The following GRIA1 variants were observed in gnomAD, a reference collection of about 807,000 sequenced individuals.
GRIA1 encodes glutamate ionotropic receptor AMPA type subunit 1.
In GRIA1, 31 loss-of-function variants were observed where a neutral mutation model predicts 99.2. That is an observed-to-expected ratio of 0.31 (90% CI 0.23 to 0.42). GRIA1 has a LOEUF of 0.42. Among genes scored for constraint, GRIA1 ranks in the 10% least tolerant of loss-of-function variants. The probability of loss-of-function intolerance (pLI) is 1.00; values close to 1 mark genes in which losing one functional copy is unlikely to be tolerated. For missense variants in GRIA1, 782 were observed against 1,157.5 expected, an observed-to-expected ratio of 0.68 and a Z score of 4.71; for synonymous variants, 438 against 432.4, an observed-to-expected ratio of 1.01 and a Z score of -0.16.
chr5:153,791,907 G>GA (rs565834531), intron 13 of GRIA1, among the ~76,000 whole-genome samples: 45,356 of 141,144 alleles, frequency 0.32, 7,130 homozygotes, highest in South Asian at 0.43. Flanking sequence ...TGTTCATTTG[G>GA]AAAAAAAAAA....
chr5:153,565,611 C>T (rs1303793250), intron 2 of GRIA1, among the ~76,000 whole-genome samples: 1 of 152,176 alleles, frequency 6.6e-6, no homozygotes, highest in East Asian at 1.9e-4. Context: ...AGCACCCTCC[C>T]ACCATCAGGT....
chr5:153,756,947 A>G (rs1762872679), intron 11 of GRIA1, among the ~76,000 whole-genome samples: 1 of 152,192 alleles, frequency 6.6e-6, no homozygotes, highest in Non-Finnish European at 1.5e-5. Context: ...TGGAAGTATG[A>G]CCTCACCTAA....
chr5:153,738,746 G>C (rs1246455293), intron 11 of GRIA1, among the ~76,000 whole-genome samples: 1 of 104,104 alleles, frequency 9.6e-6, no homozygotes, highest in African/African-American at 4.2e-5. Context: ...TTTGGAGAAG[G>C]CATTTCGCTC....
rs547703533 is a variant in GRIA1, at chr5:153,811,463, C to T, written c.*238C>T. On this transcript the variant is annotated 3_prime_UTR_variant, in exon 16 of 16. Transcript: ENST00000285900. The stretch of plus-strand genomic sequence containing the variant: ...GCTAAGTGAGGATGAAAAAATAACA[C>T]TGTACTGCAATAAGGGGAGAGTAAC... The T allele has an allele frequency of 3.1e-5, 15 of 484,384 alleles. No individual in the cohort carries two copies. The highest frequency in any genetic ancestry group is 2.9e-4 in the African/African-American group (15 of 51,178). The allele number at this position is 484,384 out of a possible 1,614,324, so 30.0% of individuals were successfully genotyped here.
At position 153,761,768 on chromosome 5, in the gene GRIA1, C is replaced by T. The variant is rs146167136; in HGVS notation, c.1824-2666C>T. Among the ~76,000 whole-genome samples, 304 of 152,230 alleles carry T rather than the reference C, an allele frequency of 2.0e-3. 2 individuals are homozygous for T. The highest frequency in any genetic ancestry group is 7.0e-3 in the African/African-American group (292 of 41,520). ...GTAACCAAAATATGGAATCAACTTA[C>T]GTGCCCATCAACAGATGAATAGATT... On this transcript the variant is annotated intron_variant, in intron 11 of 15. Coordinates refer to ENST00000285900, the MANE Select transcript of GRIA1 (RefSeq NM_000827.4).
chr5:153,661,275 A>G (rs1172500549), intron 5 of GRIA1, among the ~76,000 whole-genome samples: 3 of 152,126 alleles, frequency 2.0e-5, no homozygotes, highest in African/African-American at 7.2e-5. Flanking sequence ...GTGGCTTTGG[A>G]GCCAGTTCTG....
chr5:153,493,172 C>T (rs954261790), intron 1 of GRIA1, among the ~76,000 whole-genome samples: 2 of 152,170 alleles, frequency 1.3e-5, no homozygotes, highest in Admixed American at 6.5e-5. Context: ...ATGTTTGTAT[C>T]CTCTTGAGAT....
intron 2 of GRIA1, among the ~76,000 whole-genome samples, chr5:153,523,233 C>G (rs1757310788): frequency 6.6e-6 from 1 of 152,190 alleles, no homozygotes; most frequent in Admixed American, 6.5e-5. Flanking sequence ...AGGCTGTGTT[C>G]TAACTGGAAG....
intron 11 of GRIA1, among the ~76,000 whole-genome samples, chr5:153,723,625 G>A (rs13167926): frequency 0.51 from 77,962 of 151,874 alleles, 20,880 homozygotes; most frequent in East Asian, 0.94. Context: ...CTACCCCCAC[G>A]GAGTCTCGCT....
chr5:153,795,440 G>A, intron 14 of GRIA1: 1 of 1,059,518 alleles, frequency 9.4e-7, no homozygotes, highest in Non-Finnish European at 1.5e-6. Flanking sequence ...AATAACATTG[G>A]TAATGTTATT....
Position 153,764,452 on chromosome 5 carries a change from C to T in GRIA1, c.1842C>T (p.Ile614=). ...CCTGCAGGTCCCTGTCTGGTCGCAT[C>T]GTTGGTGGCGTCTGGTGGTTCTTCA... is the stretch of plus-strand genomic sequence containing the variant. ...DISPRSLSGR[I]VGGVWWFFTL... The change falls in exon 12 of 16, where the codon ATC becomes ATT. Residue 614 remains isoleucine, a synonymous_variant. Transcript: ENST00000285900. 1.9e-6 allele frequency: 3 copies of T among 1,613,796 alleles called. No homozygotes were observed. Among genetic ancestry groups the T allele is most frequent in the East Asian group, 2.2e-5 (1 of 44,860 alleles).
intron 10 of GRIA1, among the ~76,000 whole-genome samples, chr5:153,700,351 C>T (rs957502344): frequency 6.6e-6 from 1 of 152,176 alleles, no homozygotes; most frequent in Non-Finnish European, 1.5e-5. Flanking sequence ...TGCCATCGCA[C>T]TCCAGCCTGG....
intron 2 of GRIA1, among the ~76,000 whole-genome samples, chr5:153,547,289 A>C (rs1282309534): frequency 6.6e-6 from 1 of 152,092 alleles, no homozygotes; most frequent in Non-Finnish European, 1.5e-5. Context: ...GACACCCCTG[A>C]TCTAGCCTGT....
At chr5:153,736,504 G>T (rs778705334) in intron 11 of GRIA1, among the ~76,000 whole-genome samples, 13 of 152,220 alleles carry the variant, frequency 8.5e-5, no homozygotes, top group Non-Finnish European at 1.6e-4. Context: ...CACTGTGATA[G>T]TGATTCATAG....
At chr5:153,729,247 G>A (rs549343612) in intron 11 of GRIA1, among the ~76,000 whole-genome samples, 2 of 151,614 alleles carry the variant, frequency 1.3e-5, no homozygotes, top group East Asian at 3.9e-4. Flanking sequence ...GGTAGGGAGA[G>A]GGGGGAGCGA....
At chr5:153,516,017 G>C (rs965242634) in intron 2 of GRIA1, among the ~76,000 whole-genome samples, 1 of 152,102 alleles carries the variant, frequency 6.6e-6, no homozygotes, top group African/African-American at 2.4e-5. Flanking sequence ...TCAGGAGATT[G>C]AGACCATCCT....
intron 5 of GRIA1, among the ~76,000 whole-genome samples, chr5:153,671,191 G>T (rs1018659664): frequency 2.6e-5 from 4 of 152,146 alleles, no homozygotes; most frequent in African/African-American, 9.7e-5. Context: ...ACAAGATTGA[G>T]TGGCATTTAT....
At chr5:153,579,792 G>A (rs1385045549) in intron 2 of GRIA1, among the ~76,000 whole-genome samples, 3 of 151,994 alleles carry the variant, frequency 2.0e-5, no homozygotes, top group African/African-American at 7.3e-5. Context: ...TGATAGAGGA[G>A]TTGAAACCAA....
intron 2 of GRIA1, among the ~76,000 whole-genome samples, chr5:153,501,786 C>T (rs1359906711): frequency 6.6e-6 from 1 of 152,170 alleles, no homozygotes; most frequent in Admixed American, 6.5e-5. Flanking sequence ...GGTGCGTTGT[C>T]ATGGTATGTG....
Sources: allele counts gnomAD v4.1 joint callset (sites outside exome capture counted in the v4.1 genomes callset), GRCh38; gene constraint gnomAD v4.1.1; transcripts MANE v1.5; gene names NCBI Gene and HGNC (gene_info 2026-07-23, HGNC 2026-07-21).